The following SGTA variants were observed in gnomAD, a reference collection of about 807,000 sequenced individuals.
SGTA encodes the protein small glutamine-rich tetratricopeptide repeat-containing protein alpha.
In SGTA, 22 loss-of-function variants were observed where a neutral mutation model predicts 44.3. The ratio of observed to expected loss-of-function variants is 0.50; its 90% confidence interval spans 0.36 to 0.71. SGTA has a LOEUF of 0.71. SGTA is among the 30% of genes least tolerant of loss of function. The pLI, the probability that SGTA is intolerant of heterozygous loss-of-function variation, is 0.00. For missense variants in SGTA, 341 were observed against 435.9 expected (o/e 0.78, Z 1.94); for synonymous variants, 174 against 177.6 (o/e 0.98, Z 0.16).
intron 8 of SGTA, 196 bp from the exon 9 acceptor site, chr19:2,759,490 T>G: frequency 3.4e-6 from 2 of 585,092 alleles, no homozygotes; most frequent in Non-Finnish European, 6.1e-6. Context: ...ACCTCCACAT[T>G]GTGACTTAAA....
chr19:2,779,396 G>A (rs1915519435), intron 1 of SGTA, among the ~76,000 whole-genome samples: 1 of 152,158 alleles, frequency 6.6e-6, no homozygotes, highest in African/African-American at 2.4e-5. Flanking sequence ...TCTCAAATCT[G>A]CTTCAACAGC....
intron 1 of SGTA, among the ~76,000 whole-genome samples, chr19:2,778,663 T>A (rs902593219): frequency 2.0e-5 from 3 of 152,144 alleles, no homozygotes; most frequent in African/African-American, 7.2e-5. Flanking sequence ...TGTCCCATGA[T>A]CATTTGCTCT....
intron 1 of SGTA, among the ~76,000 whole-genome samples, chr19:2,781,538 T>TGGTTTAATCCTCACACACCTGGTTTAA (rs1915575813): frequency 6.6e-6 from 1 of 152,208 alleles, no homozygotes; most frequent in African/African-American, 2.4e-5. Flanking sequence ...TTTGGCCTTC[T>TGGTTTAATCCTCACACACCTGGTTTAA]GGTCAGTTTG....
In SGTA at chr19:2,757,707, G is replaced by A; in HGVS notation, c.813C>T (p.Ala271=). 1 of 1,591,532 alleles carries A rather than the reference G, an allele frequency of 6.3e-7. No individual in the cohort carries two copies. The highest frequency in any genetic ancestry group is 8.5e-7 in the Non-Finnish European group (1 of 1,170,170). ...PGTSPSQNDL[A]SLIQAGQQFA... ...GTTCCACTCACGCCTGGATGAGGCT[G>A]GCCAGGTCGTTCTGCGAGGGGCTGG... The change falls in exon 10 of 12, where the codon GCC becomes GCT. Residue 271 remains alanine (A), a synonymous_variant. Coordinates refer to ENST00000221566, the MANE Select transcript of SGTA (RefSeq NM_003021.4).
intron 1 of SGTA, among the ~76,000 whole-genome samples, chr19:2,774,549 C>T (rs1215527512): frequency 6.6e-6 from 1 of 152,136 alleles, no homozygotes; most frequent in African/African-American, 2.4e-5. Flanking sequence ...CACCCGTGCA[C>T]GCGTACACAG....
rs373268764 is a variant in SGTA, at chr19:2,761,638, C to T, written c.637-116G>A. 44 of 850,648 alleles carry T rather than the reference C, an allele frequency of 5.2e-5. No homozygotes were observed. Among genetic ancestry groups the T allele is most frequent in the East Asian group, 1.1e-4 (4 of 37,348 alleles). The allele number at this position is 850,648 out of a possible 1,614,324, so 52.7% of individuals were successfully genotyped here. On this transcript the variant is annotated intron_variant, in intron 7 of 11. Coordinates refer to ENST00000221566, the MANE Select transcript of SGTA (RefSeq NM_003021.4). This position sits in a 1 kb window ranked among gnomAD's most constrained non-coding sequence, Gnocchi z 5.7. ...GGGCTCAGACATTCTATCAACCCTG[C>T]GGCCAGAGGGTGCTTTGAGGCAGGC... is the stretch of plus-strand genomic sequence containing the variant.
At chr19:2,771,934 C>T (rs1915320446) in intron 1 of SGTA, among the ~76,000 whole-genome samples, 1 of 152,232 alleles carries the variant, frequency 6.6e-6, no homozygotes. Context: ...CAGCCGCCTT[C>T]CCTGGAATCC....
chr19:2,773,758 G>A (rs1421490626), intron 1 of SGTA, among the ~76,000 whole-genome samples: 1 of 62,932 alleles, frequency 1.6e-5, no homozygotes, highest in Admixed American at 1.4e-4. Flanking sequence ...GGTGGGTGAC[G>A]CGGCCACACG....
chr19:2,778,634 G>A (rs1003258219), intron 1 of SGTA, among the ~76,000 whole-genome samples: 6 of 152,062 alleles, frequency 3.9e-5, no homozygotes, highest in African/African-American at 9.7e-5. Context: ...GGGATGCCAC[G>A]GATCCCCAAG....
intron 4 of SGTA, among the ~76,000 whole-genome samples, chr19:2,766,888 T>G (rs567799522): frequency 6.6e-6 from 1 of 151,982 alleles, no homozygotes; most frequent in East Asian, 1.9e-4. Context: ...CACCAGCCAG[T>G]CTTCCACAGG....
intron 9 of SGTA, among the ~76,000 whole-genome samples, 168 bp from the exon 10 acceptor site, chr19:2,757,950 T>G (rs796484834): frequency 9.8e-5 from 15 of 152,294 alleles, no homozygotes; most frequent in African/African-American, 3.6e-4. Flanking sequence ...ACCCACCCTG[T>G]GACTTTCACC....
At chr19:2,768,884 A>G in intron 2 of SGTA, 85 bp downstream of exon 2, 1 of 966,898 alleles carries the variant, frequency 1.0e-6, no homozygotes, top group Non-Finnish European at 1.6e-6. Context: ...GCGGGGGACC[A>G]GGCATCTACA....
intron 9 of SGTA, 85 bp downstream of exon 9, chr19:2,759,172 G>T: frequency 8.1e-7 from 1 of 1,227,778 alleles, no homozygotes; most frequent in South Asian, 1.2e-5. Context: ...ACTTTAAAGT[G>T]GTTAGTTTTA....
rs1388644053 is a variant in SGTA at position 2,761,580 on chromosome 19, C to G, written c.637-58G>C. 1 of 1,374,494 alleles carries G rather than the reference C, an allele frequency of 7.3e-7. No homozygotes were observed. Among genetic ancestry groups the G allele is most frequent in the Admixed American group, 2.0e-5 (1 of 50,498 alleles). The allele number at this position is 1,374,494 out of a possible 1,614,324, so 85.1% of individuals were successfully genotyped here. A position where few individuals can be genotyped will look rare whatever the true frequency, so the allele number is the denominator to read the frequency against. On this transcript the variant is annotated intron_variant, in intron 7 of 11. Coordinates refer to ENST00000221566, the MANE Select transcript of SGTA (RefSeq NM_003021.4). The surrounding 1 kb of genome is among the most constrained non-coding windows in gnomAD (Gnocchi z 5.7). ...CTGGACCAGAGGCCACGGTGAATAA[C>G]CCCCTGGAACTCAGAAACAACGGCC...
At chr19:2,780,418 G>A (rs554186261) in intron 1 of SGTA, among the ~76,000 whole-genome samples, 2 of 152,224 alleles carry the variant, frequency 1.3e-5, no homozygotes, top group East Asian at 1.9e-4. Context: ...CCAGGAGATC[G>A]CTGCACACAT....
chr19:2,773,554 C>T (rs1452555314), intron 1 of SGTA, among the ~76,000 whole-genome samples: 1 of 22,426 alleles, frequency 4.5e-5, no homozygotes, highest in Non-Finnish European at 6.8e-5. Context: ...GTGGGTGACG[C>T]GGCCACACGG....
chr19:2,780,182 C>G (rs1389788443), intron 1 of SGTA, among the ~76,000 whole-genome samples: 1 of 152,152 alleles, frequency 6.6e-6, no homozygotes, highest in Non-Finnish European at 1.5e-5. Context: ...TCCTCGTAAA[C>G]TGAGGTCGTC....
chr19:2,764,624 G>A lies in SGTA; in HGVS notation c.392+562C>T, dbSNP rs554062782. ...GAGTCTCCCTGTCACCCAAGATGGA[G>A]GGCAGTGGCGCAATCTTGGCTCACT... On this transcript the variant is annotated intron_variant, in intron 5 of 11. Coordinates refer to ENST00000221566, the MANE Select transcript of SGTA (RefSeq NM_003021.4). 1.3e-3 allele frequency among the ~76,000 whole-genome samples: 205 copies of A among 152,186 alleles called. 1 individual carries two copies. Among genetic ancestry groups the A allele is most frequent in the African/African-American group, 4.7e-3 (196 of 41,502 alleles).
chr19:2,760,533 AAAAAAAACC>A (rs1167722919), intron 8 of SGTA, among the ~76,000 whole-genome samples: 3 of 151,362 alleles, frequency 2.0e-5, no homozygotes, highest in African/African-American at 7.3e-5. Context: ...AAAAAAAAAA[AAAAAAAACC>A]AAAAAAAACT....
Sources: gnomAD v4.1 joint callset for allele counts (sites outside exome capture counted in the v4.1 genomes callset) on GRCh38, gnomAD v4.1.1 for gene constraint, Gnocchi (gnomAD v3.1) non-coding constraint, MANE v1.5 for transcripts, NCBI Gene and HGNC (gene_info 2026-07-23, HGNC 2026-07-21) for gene names.